Variants in IGSF21 observed in about 807,000 individuals in gnomAD.
IGSF21 encodes the protein immunoglobin superfamily member 21.
A neutral mutation model predicts 46.8 loss-of-function variants in IGSF21; 28 were observed. The observed-to-expected ratio is 0.60, with a 90% CI of 0.44 to 0.82. IGSF21 has a LOEUF of 0.82. Among genes scored for constraint, IGSF21 ranks in the 40% least tolerant of loss-of-function variants. The pLI, the probability that IGSF21 is intolerant of heterozygous loss-of-function variation, is 0.00. For synonymous variants in IGSF21, 284 were observed against 273.6 expected, an observed-to-expected ratio of 1.04 and a Z score of -0.38; for missense variants, 624 against 665.5, an observed-to-expected ratio of 0.94 and a Z score of 0.69.
At chr1:18,189,916 A>G (rs1316582137) in intron 1 of IGSF21, among the ~76,000 whole-genome samples, 2 of 152,102 alleles carry the variant, frequency 1.3e-5, no homozygotes, top group African/African-American at 2.4e-5. Flanking sequence ...GGTTGGCCCA[A>G]CCAATGCCAC....
intron 2 of IGSF21, among the ~76,000 whole-genome samples, chr1:18,243,938 A>G (rs2084758592): frequency 1.3e-5 from 2 of 152,138 alleles, no homozygotes; most frequent in Admixed American, 1.3e-4. Context: ...CATTCTCCAT[A>G]TCTGTGTCTA....
At chr1:18,333,001 G>T (rs2085730194) in intron 3 of IGSF21, among the ~76,000 whole-genome samples, 1 of 152,218 alleles carries the variant, frequency 6.6e-6, no homozygotes, top group Non-Finnish European at 1.5e-5. Flanking sequence ...ATGTTGCTCT[G>T]CAAAAGCAGG....
chr1:18,185,955 G>A (rs1231657736), intron 1 of IGSF21, among the ~76,000 whole-genome samples: 2 of 152,152 alleles, frequency 1.3e-5, no homozygotes, highest in Non-Finnish European at 2.9e-5. Context: ...CCAGGAGCTG[G>A]GTGAGAATCT....
At chr1:18,181,770 A>C (rs890059336) in intron 1 of IGSF21, among the ~76,000 whole-genome samples, 4 of 152,130 alleles carry the variant, frequency 2.6e-5, no homozygotes, top group Admixed American at 6.5e-5. Context: ...GGGCCACCCA[A>C]AGCCAGGGTC....
intron 2 of IGSF21, among the ~76,000 whole-genome samples, chr1:18,249,241 T>C (rs1173239460): frequency 6.6e-6 from 1 of 151,984 alleles, no homozygotes; most frequent in Non-Finnish European, 1.5e-5. Context: ...GTGAGGTCCT[T>C]GAACTGGGAT....
intron 4 of IGSF21, among the ~76,000 whole-genome samples, chr1:18,338,361 C>A (rs1436409895): frequency 6.6e-6 from 1 of 152,160 alleles, no homozygotes; most frequent in Non-Finnish European, 1.5e-5. Context: ...CACACAAAGA[C>A]CCTCTCTTCA....
At chr1:18,326,408 G>A (rs1557644983) in intron 3 of IGSF21, among the ~76,000 whole-genome samples, 1 of 152,194 alleles carries the variant, frequency 6.6e-6, no homozygotes, top group Non-Finnish European at 1.5e-5. Context: ...TCATAAGATT[G>A]CAGGGGGTGT....
intron 4 of IGSF21, among the ~76,000 whole-genome samples, chr1:18,345,794 T>C (rs144395310): frequency 1.3e-5 from 2 of 152,312 alleles, no homozygotes; most frequent in African/African-American, 4.8e-5. Flanking sequence ...ACTTTATCCA[T>C]TTTACAAATG....
chr1:18,377,128 C>T (rs1480940909), intron 8 of IGSF21, 136 bp downstream of exon 8: 4 of 924,844 alleles, frequency 4.3e-6, no homozygotes, highest in Non-Finnish European at 6.4e-6. Flanking sequence ...TGAGAGGGTG[C>T]CCCACTGGGA....
At chr1:18,294,951 A>G (rs1209668052) in intron 3 of IGSF21, among the ~76,000 whole-genome samples, 2 of 152,216 alleles carry the variant, frequency 1.3e-5, no homozygotes, top group African/African-American at 4.8e-5. Context: ...ATGCATCTCA[A>G]CGAGAGAGAG....
chr1:18,305,173 T>C (rs1012792324), intron 3 of IGSF21, among the ~76,000 whole-genome samples: 31 of 129,214 alleles, frequency 2.4e-4, no homozygotes, highest in Non-Finnish European at 9.9e-5. Flanking sequence ...CAATAAGAGA[T>C]AGGGAAGGGG....
intron 1 of IGSF21, among the ~76,000 whole-genome samples, chr1:18,225,085 T>TCACACACACACA (rs529286231): frequency 4.8e-3 from 248 of 51,426 alleles, no homozygotes; most frequent in Middle Eastern, 0.012. Flanking sequence ...TCTCTCTCTC[T>TCACACACACACA]CACACACACA....
intron 8 of IGSF21, 101 bp from the exon 9 acceptor site, chr1:18,377,292 G>A: frequency 9.5e-7 from 1 of 1,057,176 alleles, no homozygotes; most frequent in East Asian, 2.4e-5. Flanking sequence ...CTGAGACAGT[G>A]CGTGTGATAC....
intron 4 of IGSF21, chr1:18,361,832 G>C (rs993756069): frequency 9.5e-5 from 31 of 327,988 alleles, no homozygotes; most frequent in African/African-American, 6.1e-4. Flanking sequence ...ATGCCTCCGG[G>C]GATCTGATGC....
chr1:18,202,602 A>C (rs1281667500), intron 1 of IGSF21, among the ~76,000 whole-genome samples: 1 of 151,966 alleles, frequency 6.6e-6, no homozygotes, highest in African/African-American at 2.4e-5. Context: ...AGAGAGAGCC[A>C]AGGGGGAAGA....
intron 4 of IGSF21, among the ~76,000 whole-genome samples, chr1:18,346,652 T>C (rs1314532542): frequency 6.6e-6 from 1 of 152,116 alleles, no homozygotes; most frequent in Non-Finnish European, 1.5e-5. Context: ...CCACGTGATC[T>C]CACTCAGCAG....
At chr1:18,170,417 T>C (rs1158849883) in intron 1 of IGSF21, among the ~76,000 whole-genome samples, 1 of 151,960 alleles carries the variant, frequency 6.6e-6, no homozygotes, top group African/African-American at 2.4e-5. Context: ...AAGACCTCAT[T>C]TGGATAATAC....
chr1:18,129,199 C>T (rs1027627990), intron 1 of IGSF21, among the ~76,000 whole-genome samples: 6 of 152,102 alleles, frequency 3.9e-5, no homozygotes, highest in Non-Finnish European at 8.8e-5. Flanking sequence ...ATTCCTCACT[C>T]AAGGTGCCTG....
At position 18,315,111 on chromosome 1, in the gene IGSF21, G is replaced by A. The variant is rs578202645; in HGVS notation, c.306-19781G>A. Among the ~76,000 whole-genome samples the A allele has an allele frequency of 5.3e-5, 8 of 152,212 alleles. No individual in the cohort carries two copies. In the South Asian group the frequency reaches 1.7e-3, roughly 32 times the overall value. ...TGGAGTGAAGGGAGGAGAGTGTGGC[G>A]ATGGGGCGGGGATAGGAGAGGATCT... On this transcript the variant is annotated intron_variant, in intron 3 of 9. Coordinates refer to ENST00000251296, the MANE Select transcript of IGSF21 (RefSeq NM_032880.5).
Sources: gnomAD v4.1 joint callset for allele counts (sites outside exome capture counted in the v4.1 genomes callset) on GRCh38, gnomAD v4.1.1 for gene constraint, MANE v1.5 for transcripts, NCBI Gene and HGNC (gene_info 2026-07-23, HGNC 2026-07-21) for gene names.